The following NFATC3 variants were observed in gnomAD, a reference collection of about 807,000 sequenced individuals.
NFATC3 encodes nuclear factor of activated T cells 3.
Under a neutral mutation model 98.6 loss-of-function variants are expected in NFATC3, and 46 were observed. The ratio of observed to expected loss-of-function variants is 0.47; its 90% CI spans 0.37 to 0.60. NFATC3 has a LOEUF of 0.60. Among genes scored for constraint, NFATC3 ranks in the 20% least tolerant of loss-of-function variants. The probability of loss-of-function intolerance (pLI) is 0.00; values close to 1 mark genes in which losing one functional copy is unlikely to be tolerated. For missense variants in NFATC3, 1,256 were observed against 1,295.5 expected, an observed-to-expected ratio of 0.97 and a Z score of 0.47; for synonymous variants, 512 against 472.2, an observed-to-expected ratio of 1.08 and a Z score of -1.09.
chr16:68,209,704 G>T, intron 9 of NFATC3: 1 of 442,290 alleles, frequency 2.3e-6, no homozygotes. Context: ...AAGCTAGGGG[G>T]AATGGTTAGG....
chr16:68,221,363 C>G, intron 9 of NFATC3: 1 of 1,582,858 alleles, frequency 6.3e-7, no homozygotes, highest in Non-Finnish European at 8.6e-7. Flanking sequence ...ATGATTAACA[C>G]TCGGCTCAAG....
chr16:68,104,691 G>T (rs902161427), intron 1 of NFATC3, among the ~76,000 whole-genome samples: 1 of 130,344 alleles, frequency 7.7e-6, no homozygotes, highest in Non-Finnish European at 1.6e-5. Context: ...TGGCTCTGTC[G>T]CCCAGGCTGG....
chr16:68,219,343 A>G (rs1195380318), intron 9 of NFATC3, among the ~76,000 whole-genome samples: 1 of 152,090 alleles, frequency 6.6e-6, no homozygotes, highest in Non-Finnish European at 1.5e-5. Context: ...AGATCATGCC[A>G]CTGCACTCCA....
At chr16:68,100,335 G>A (rs1165801891) in intron 1 of NFATC3, among the ~76,000 whole-genome samples, 1 of 152,094 alleles carries the variant, frequency 6.6e-6, no homozygotes, top group Non-Finnish European at 1.5e-5. Flanking sequence ...CACTTTGGGA[G>A]GCCGAGGTAG....
In NFATC3 at chr16:68,216,291, A is replaced by G. The variant is rs116122950; in HGVS notation, c.3107-10059A>G. 6.9e-3 allele frequency among the ~76,000 whole-genome samples: 1,057 copies of G among 152,316 alleles called. 17 individuals are homozygous for G. Among genetic ancestry groups the G allele is most frequent in the African/African-American group, 0.024 (984 of 41,570 alleles). ...AAAGGATTCTTCTGATAATTTTAAA[A>G]TGCTTCTGAGTCTCACATCTTAAGC... On this transcript the variant is annotated intron_variant, in intron 9 of 9. Coordinates refer to ENST00000346183, the MANE Select transcript of NFATC3 (RefSeq NM_173165.3).
intron 1 of NFATC3, among the ~76,000 whole-genome samples, chr16:68,112,817 C>G (rs534095708): frequency 6.6e-6 from 1 of 151,474 alleles, no homozygotes; most frequent in Non-Finnish European, 1.5e-5. Flanking sequence ...CTTGTTTGCC[C>G]GTCTTATTTT....
At chr16:68,133,884 TA>T (rs529456671) in intron 3 of NFATC3, among the ~76,000 whole-genome samples, 346 of 146,926 alleles carry the variant, frequency 2.4e-3, no homozygotes, top group Non-Finnish European at 2.1e-3. Context: ...CCCTTTTTTT[TA>T]AAAAAAAAAA....
chr16:68,221,949 C>G (rs1425263195), intron 9 of NFATC3, among the ~76,000 whole-genome samples: 1 of 151,968 alleles, frequency 6.6e-6, no homozygotes, highest in Non-Finnish European at 1.5e-5. Flanking sequence ...GATATGGACC[C>G]TCATCGTCAG....
At chr16:68,092,154 G>GTTAATATTAT (rs2034746584) in intron 1 of NFATC3, among the ~76,000 whole-genome samples, 1 of 152,214 alleles carries the variant, frequency 6.6e-6, no homozygotes, top group South Asian at 2.1e-4. Context: ...GTTAATATTA[G>GTTAATATTAT]TTAATATTCA....
At chr16:68,204,831 A>C (rs1234795154) in intron 9 of NFATC3, among the ~76,000 whole-genome samples, 1 of 152,170 alleles carries the variant, frequency 6.6e-6, no homozygotes, top group African/African-American at 2.4e-5. Flanking sequence ...ATGAGAGATA[A>C]ATTGTTTAAT....
At chr16:68,087,624 G>A (rs148228940) in intron 1 of NFATC3, among the ~76,000 whole-genome samples, 2 of 152,150 alleles carry the variant, frequency 1.3e-5, no homozygotes, top group East Asian at 1.9e-4. Context: ...TCAGTGTTGT[G>A]CAGCTACTGC....
intron 1 of NFATC3, among the ~76,000 whole-genome samples, chr16:68,115,283 C>CT (rs1567504630): frequency 6.6e-6 from 1 of 151,076 alleles, no homozygotes; most frequent in African/African-American, 2.4e-5. Flanking sequence ...AGGCTGGTCT[C>CT]GAACTCCTGA....
chr16:68,183,203 G>A, intron 7 of NFATC3, 37 bp from the exon 8 acceptor site: 1 of 1,540,914 alleles, frequency 6.5e-7, no homozygotes, highest in Non-Finnish European at 8.7e-7. Context: ...TTCATTTTTA[G>A]TTCTGAGTGT....
chr16:68,138,279 A>G (rs2037555045), intron 3 of NFATC3, among the ~76,000 whole-genome samples: 1 of 148,956 alleles, frequency 6.7e-6, no homozygotes, highest in South Asian at 2.1e-4. Context: ...ACCTCAAGTA[A>G]TGCACCACCT....
At chr16:68,191,807 G>A (rs1175638326) in intron 9 of NFATC3, 32 bp downstream of exon 9, 5 of 1,608,924 alleles carry the variant, frequency 3.1e-6, no homozygotes, top group Non-Finnish European at 4.3e-6. Flanking sequence ...TCTTGAAGTA[G>A]TGAAGATTCA....
chr16:68,141,184 A>G (rs2037734584), intron 3 of NFATC3, among the ~76,000 whole-genome samples: 1 of 151,696 alleles, frequency 6.6e-6, no homozygotes, highest in African/African-American at 2.4e-5. Context: ...TAGATATACC[A>G]CATTTTCTTC....
chr16:68,132,602 T>TA (rs1366861768), intron 3 of NFATC3, among the ~76,000 whole-genome samples: 1 of 152,100 alleles, frequency 6.6e-6, no homozygotes, highest in Non-Finnish European at 1.5e-5. Flanking sequence ...GTAGCCAAGA[T>TA]ATGGAATCAA....
At chr16:68,137,148 AT>A (rs939361398) in intron 3 of NFATC3, among the ~76,000 whole-genome samples, 1 of 152,204 alleles carries the variant, frequency 6.6e-6, no homozygotes, top group African/African-American at 2.4e-5. Flanking sequence ...TTTTAAAAAA[AT>A]CTTTTGTCTT....
intron 6 of NFATC3, among the ~76,000 whole-genome samples, chr16:68,174,766 T>G (rs1284353961): frequency 1.3e-5 from 2 of 152,208 alleles, no homozygotes; most frequent in Non-Finnish European, 1.5e-5. Flanking sequence ...GAGGATCACT[T>G]AGGCCCAGAA....
Sources: gnomAD v4.1 joint callset for allele counts (sites outside exome capture counted in the v4.1 genomes callset) on GRCh38, gnomAD v4.1.1 for gene constraint, MANE v1.5 for transcripts, NCBI Gene and HGNC (gene_info 2026-07-23, HGNC 2026-07-21) for gene names.